COL4A6: variants seen among roughly 807,000 people sequenced by gnomAD.
COL4A6 encodes the protein collagen type IV alpha 6 chain, also known as collagen alpha-6(IV) chain.
COL4A6 carries 59 observed loss-of-function variants against 126.7 expected under a neutral mutation model. The ratio of observed to expected loss-of-function variants is 0.47; its 90% CI spans 0.38 to 0.58. COL4A6 has a LOEUF of 0.58. Ranked by LOEUF, COL4A6 falls within the 20% of genes least tolerant of loss-of-function variation. The pLI is 0.00. For missense variants in COL4A6, 1,285 were observed against 1,337.3 expected (o/e 0.96, Z 0.61); for synonymous variants, 547 against 496.6 (o/e 1.10, Z -1.35).
At chrX:108,174,990 A>G (rs2148100000) in intron 30 of COL4A6, 100 bp downstream of exon 30, 1 of 1,033,366 alleles carries the variant, frequency 9.7e-7, no homozygotes, top group Non-Finnish European at 1.3e-6. Context: ...GAGGTTGGCG[A>G]TGGGGGGCTG....
chrX:108,169,999 C>A lies in COL4A6; in HGVS notation c.3511G>T (p.Gly1171Cys). 8.4e-7 allele frequency: 1 copy of A among 1,187,791 alleles called. No individual in the cohort carries two copies. Among genetic ancestry groups the A allele is most frequent in the Non-Finnish European group, 1.1e-6 (1 of 881,673 alleles). Residue 1171 changes from glycine (G) to cysteine (C), a missense_variant, in exon 36 of 45, where the codon GGT becomes TGT. Transcript: ENST00000334504. ...GGAAGCCCATTCAGTCCATGTAAAC[C>A]AGGAAATCCAGGGAAGCCTGAGGGG... ...IGPKGFPGFP[G>C]LHGLNGLPGT...
Position 108,188,670 on chromosome X carries a change from T to C in COL4A6, c.1434A>G (p.Ser478=). 1 of 1,148,916 alleles carries C rather than the reference T, an allele frequency of 8.7e-7. No homozygotes were observed. The highest frequency in any genetic ancestry group is 3.1e-5 in the East Asian group (1 of 32,078). 94.7% of individuals were successfully genotyped at this position (1,148,916 alleles called of 1,213,427 possible). A position where few individuals can be genotyped will look rare whatever the true frequency, so the allele number is the denominator to read the frequency against. ...NLGLKGIKGD[S]GFCACDGGVP... is the part of the protein sequence containing the mutation. ...CACCACCGTCACAAGCACAGAAACC[T>C]GAGTCTCCTGGGAGAAAAAGACAAC... Residue 478 remains serine, a synonymous_variant, in exon 21 of 45, where the codon TCA becomes TCG. Coordinates refer to ENST00000334504, the MANE Select transcript of COL4A6 (RefSeq NM_033641.4).
At chrX:108,291,095 A>T (rs2038149894) in intron 3 of COL4A6, among the ~76,000 whole-genome samples, 1 of 111,975 alleles carries the variant, frequency 8.9e-6, no homozygotes, top group South Asian at 3.8e-4. Flanking sequence ...CTGCCCTCTC[A>T]TTCACAGAAT....
At chrX:108,290,586 A>C (rs2038134417) in intron 3 of COL4A6, among the ~76,000 whole-genome samples, 1 of 110,952 alleles carries the variant, frequency 9.0e-6, no homozygotes, top group African/African-American at 3.3e-5. Context: ...CCATAATTCT[A>C]TAAATTTGGA....
chrX:108,178,660 G>A, intron 27 of COL4A6, 24 bp downstream of exon 27: 1 of 1,206,110 alleles, frequency 8.3e-7, no homozygotes, highest in Non-Finnish European at 1.1e-6. Context: ...TGTCAAGGTG[G>A]GACTCTTCCT....
At chrX:108,348,681 A>G (rs2039770430) in intron 2 of COL4A6, among the ~76,000 whole-genome samples, 1 of 111,910 alleles carries the variant, frequency 8.9e-6, no homozygotes, top group Non-Finnish European at 1.9e-5. Flanking sequence ...ATAGAGCATG[A>G]CACAATATAT....
chrX:108,212,626 C>G (rs998351308), intron 6 of COL4A6, among the ~76,000 whole-genome samples: 3 of 111,188 alleles, frequency 2.7e-5, no homozygotes, highest in African/African-American at 9.8e-5. Context: ...AAAACAACAA[C>G]GTGATCCCAG....
At chrX:108,382,583 A>G in intron 2 of COL4A6, among the ~76,000 whole-genome samples, 1 of 110,849 alleles carries the variant, frequency 9.0e-6, no homozygotes, top group Non-Finnish European at 1.9e-5. Context: ...ATCACTACAA[A>G]AAACCTCCCT....
chrX:108,341,144 C>G (rs2039555260), intron 2 of COL4A6, among the ~76,000 whole-genome samples: 1 of 111,156 alleles, frequency 9.0e-6, no homozygotes, highest in Admixed American at 9.6e-5. Flanking sequence ...ATCCATTGGG[C>G]TGTGTCTTAT....
At chrX:108,341,888 G>C (rs1165790077) in intron 2 of COL4A6, among the ~76,000 whole-genome samples, 2 of 112,236 alleles carry the variant, frequency 1.8e-5, no homozygotes, top group South Asian at 3.7e-4. Context: ...AAGACTAAAG[G>C]TGCAAAGTCA....
At chrX:108,249,012 T>C (rs1438465509) in intron 3 of COL4A6, among the ~76,000 whole-genome samples, 1 of 109,839 alleles carries the variant, frequency 9.1e-6, no homozygotes, top group Non-Finnish European at 1.9e-5. Flanking sequence ...CATGGGACCA[T>C]CTAGTTGCAG....
chrX:108,400,377 G>A (rs1449549266), intron 2 of COL4A6, among the ~76,000 whole-genome samples: 1 of 110,988 alleles, frequency 9.0e-6, no homozygotes, highest in African/African-American at 3.3e-5. Flanking sequence ...ATTTTTGCTT[G>A]TAATAGATTA....
intron 3 of COL4A6, among the ~76,000 whole-genome samples, chrX:108,272,714 A>T (rs758863919): frequency 3.5e-4 from 38 of 107,858 alleles, no homozygotes; most frequent in African/African-American, 7.1e-4. Context: ...CCCATCTCTC[A>T]TTTTTTATTT....
chrX:108,316,383 A>G (rs983869817), intron 2 of COL4A6, among the ~76,000 whole-genome samples: 1 of 112,127 alleles, frequency 8.9e-6, no homozygotes, highest in African/African-American at 3.2e-5. Flanking sequence ...CAAACAGTAA[A>G]TGAATATTAC....
intron 33 of COL4A6, 103 bp downstream of exon 33, chrX:108,171,284 T>A: frequency 3.0e-6 from 2 of 656,161 alleles, no homozygotes; most frequent in Non-Finnish European, 4.8e-6. Flanking sequence ...TTTTCTGCAC[T>A]GGATAGAAGT....
At chrX:108,316,090 T>C (rs780555464) in intron 2 of COL4A6, among the ~76,000 whole-genome samples, 1 of 112,093 alleles carries the variant, frequency 8.9e-6, no homozygotes, top group Non-Finnish European at 1.9e-5. Flanking sequence ...ATGACAATGA[T>C]GCAAAAGGTA....
At chrX:108,297,038 G>A (rs914848169) in intron 3 of COL4A6, among the ~76,000 whole-genome samples, 8 of 112,086 alleles carry the variant, frequency 7.1e-5, no homozygotes, top group African/African-American at 2.6e-4. Flanking sequence ...AGGAGTGGTA[G>A]CAACGAAAGC....
chrX:108,296,610 G>A (rs1330093765), intron 3 of COL4A6, among the ~76,000 whole-genome samples: 1 of 112,289 alleles, frequency 8.9e-6, no homozygotes, highest in Non-Finnish European at 1.9e-5. Context: ...AGTACCATTA[G>A]TCTGATTTTC....
At chrX:108,321,866 C>A (rs1383498305) in intron 2 of COL4A6, among the ~76,000 whole-genome samples, 1 of 110,862 alleles carries the variant, frequency 9.0e-6, no homozygotes, top group Non-Finnish European at 1.9e-5. Context: ...CTTCTGTTAT[C>A]TCACTGAACT....
Sources: gnomAD v4.1 joint callset for allele counts (sites outside exome capture counted in the v4.1 genomes callset) on GRCh38, gnomAD v4.1.1 for gene constraint, MANE v1.5 for transcripts, NCBI Gene and HGNC (gene_info 2026-07-23, HGNC 2026-07-21) for gene names.